The following CREB5 variants were observed in gnomAD, a reference collection of about 807,000 sequenced individuals.
The protein encoded by CREB5 is cyclic AMP-responsive element-binding protein 5.
CREB5 carries 19 observed loss-of-function variants against 57.1 expected under a neutral mutation model. The observed-to-expected ratio is 0.33, with a 90% confidence interval of 0.23 to 0.49. The LOEUF (loss-of-function observed/expected upper bound fraction) is 0.49, where lower values mean the gene tolerates loss of function less well. CREB5 is among the 20% of genes least tolerant of loss of function. CREB5 has a pLI of 0.99. For missense variants in CREB5, 579 were observed against 671.6 expected, an observed-to-expected ratio of 0.86 and a Z score of 1.52; for synonymous variants, 238 against 238.3, an observed-to-expected ratio of 1.00 and a Z score of 0.01.
intron 1 of CREB5, chr7:28,435,609 G>C: frequency 1.0e-6 from 1 of 984,586 alleles, no homozygotes; most frequent in Non-Finnish European, 1.2e-6. Flanking sequence ...CTTTGCAAAA[G>C]GCAAGTTTTA....
At chr7:28,388,725 T>C (rs558676995) in intron 1 of CREB5, among the ~76,000 whole-genome samples, 1 of 152,332 alleles carries the variant, frequency 6.6e-6, no homozygotes, top group East Asian at 1.9e-4. Flanking sequence ...TCTGAACTCC[T>C]TGCTTACTTC....
In CREB5 at chr7:28,488,165, G is replaced by A. The variant is rs1156365271; in HGVS notation, c.4-10G>A. ...CTTTTTCCTTCCTCCCTTTCCCTCTGATCCTTCAGATTTATGAGGAATCCA... is the reference window on the plus strand; with the variant it reads ...CTTTTTCCTTCCTCCCTTTCCCTCTAATCCTTCAGATTTATGAGGAATCCA... On this transcript the variant is annotated splice_polypyrimidine_tract_variant and intron_variant, in intron 1 of 10. Coordinates refer to ENST00000357727, the MANE Select transcript of CREB5 (RefSeq NM_182898.4). 1 of 1,613,180 alleles carries A rather than the reference G, an allele frequency of 6.2e-7. No homozygotes were observed. Among genetic ancestry groups the A allele is most frequent in the Non-Finnish European group, 8.5e-7 (1 of 1,179,482 alleles).
At chr7:28,694,046 C>T (rs1447916343) in intron 5 of CREB5, among the ~76,000 whole-genome samples, 1 of 152,150 alleles carries the variant, frequency 6.6e-6, no homozygotes. Flanking sequence ...TTTATTTCAA[C>T]ATCAAAAGAG....
intron 3 of CREB5, among the ~76,000 whole-genome samples, chr7:28,505,142 CTAA>C (rs1402810808): frequency 6.6e-6 from 1 of 152,176 alleles, no homozygotes; most frequent in Admixed American, 6.5e-5. Context: ...GGTGTAAAAA[CTAA>C]TGAGATGCTG....
At chr7:28,534,309 T>C (rs547672260) in intron 4 of CREB5, among the ~76,000 whole-genome samples, 1 of 152,260 alleles carries the variant, frequency 6.6e-6, no homozygotes, top group Admixed American at 6.5e-5. Context: ...CCCTGCCTTC[T>C]AGGAAGGGCA....
At chr7:28,708,085 A>G (rs2128741708) in intron 5 of CREB5, among the ~76,000 whole-genome samples, 1 of 152,274 alleles carries the variant, frequency 6.6e-6, no homozygotes, top group East Asian at 1.9e-4. Context: ...TGGTGATTTG[A>G]TCACAGCGGT....
chr7:28,776,679 T>C (rs1018674648), intron 7 of CREB5, among the ~76,000 whole-genome samples: 12 of 152,218 alleles, frequency 7.9e-5, no homozygotes, highest in Admixed American at 3.3e-4. Flanking sequence ...AAAAATCCCT[T>C]ATCTGTAAGC....
chr7:28,409,719 T>C, upstream of CREB5: 1 of 342,588 alleles, frequency 2.9e-6, no homozygotes, highest in South Asian at 2.2e-5. This position sits in a 1 kb window ranked among gnomAD's most constrained non-coding sequence, Gnocchi z 4.4. Flanking sequence ...GAGGCCACCC[T>C]AGAGACCCCG....
chr7:28,528,303 A>T (rs1793535695), intron 4 of CREB5, among the ~76,000 whole-genome samples: 1 of 152,236 alleles, frequency 6.6e-6, no homozygotes, highest in Non-Finnish European at 1.5e-5. Context: ...GTCAAGGGGA[A>T]TATTTCATGA....
At chr7:28,704,112 C>T (rs1477940652) in intron 5 of CREB5, among the ~76,000 whole-genome samples, 4 of 152,208 alleles carry the variant, frequency 2.6e-5, no homozygotes, top group Admixed American at 6.5e-5. Flanking sequence ...ACTGAAAAGA[C>T]AGAACTGCTT....
intron 7 of CREB5, among the ~76,000 whole-genome samples, chr7:28,752,998 T>G (rs1243082345): frequency 6.6e-6 from 1 of 151,896 alleles, no homozygotes. Context: ...AATACCAAAG[T>G]AGATGGGCTA....
intron 5 of CREB5, among the ~76,000 whole-genome samples, chr7:28,663,976 G>A (rs1438898529): frequency 1.3e-5 from 2 of 152,174 alleles, no homozygotes; most frequent in Non-Finnish European, 2.9e-5. Context: ...AACTTAGCAT[G>A]CAGAAGAATA....
intron 5 of CREB5, among the ~76,000 whole-genome samples, chr7:28,646,064 A>C (rs1798876133): frequency 6.6e-6 from 1 of 152,156 alleles, no homozygotes; most frequent in Non-Finnish European, 1.5e-5. Context: ...CTAGAACTAC[A>C]CCACCAGCAT....
At chr7:28,574,568 G>A (rs1430908988) in intron 5 of CREB5, among the ~76,000 whole-genome samples, 2 of 152,150 alleles carry the variant, frequency 1.3e-5, no homozygotes, top group Non-Finnish European at 2.9e-5. Flanking sequence ...TAATTCTTCA[G>A]GAGAGCAATG....
chr7:28,776,621 G>A (rs1332015999), intron 7 of CREB5, among the ~76,000 whole-genome samples: 1 of 152,120 alleles, frequency 6.6e-6, no homozygotes, highest in Non-Finnish European at 1.5e-5. Flanking sequence ...ACAAAGTTGT[G>A]CAACCATCAA....
intron 6 of CREB5, among the ~76,000 whole-genome samples, chr7:28,719,777 T>C (rs921764322): frequency 1.3e-5 from 2 of 152,104 alleles, no homozygotes; most frequent in African/African-American, 4.8e-5. Context: ...AAATAATAGA[T>C]AAGGCCAGGC....
At chr7:28,493,154 A>C (rs1322189386) in intron 2 of CREB5, among the ~76,000 whole-genome samples, 1 of 152,236 alleles carries the variant, frequency 6.6e-6, no homozygotes, top group Non-Finnish European at 1.5e-5. Flanking sequence ...ATTTGCAGAA[A>C]ACATTTCTAC....
intron 1 of CREB5, among the ~76,000 whole-genome samples, chr7:28,334,876 T>C (rs185586869): frequency 6.6e-6 from 1 of 152,346 alleles, no homozygotes; most frequent in African/African-American, 2.4e-5. Flanking sequence ...GATTTGATTT[T>C]TGTATATGGT....
chr7:28,648,298 AGAGGAG>A (rs1191948935), intron 5 of CREB5, among the ~76,000 whole-genome samples: 1 of 152,198 alleles, frequency 6.6e-6, no homozygotes, highest in African/African-American at 2.4e-5. Context: ...TTTTATTTGA[AGAGGAG>A]ATATAAAGAC....
Sources: gnomAD v4.1 joint callset for allele counts (sites outside exome capture counted in the v4.1 genomes callset) on GRCh38, gnomAD v4.1.1 for gene constraint, Gnocchi (gnomAD v3.1) non-coding constraint, MANE v1.5 for transcripts, NCBI Gene and HGNC (gene_info 2026-07-23, HGNC 2026-07-21) for gene names.